LAMB1: variants seen among roughly 807,000 people sequenced by gnomAD.
LAMB1 encodes the protein laminin subunit beta-1.
Under a neutral mutation model 222.3 loss-of-function variants are expected in LAMB1, and 121 were observed. That is an observed-to-expected ratio of 0.54 (90% confidence interval 0.47 to 0.63). The LOEUF is 0.63. LAMB1 is among the 30% of genes least tolerant of loss of function. The pLI is 0.00. For missense variants in LAMB1, 2,172 were observed against 2,240.8 expected, an observed-to-expected ratio of 0.97 and a Z score of 0.62; for synonymous variants, 794 against 807.2, an observed-to-expected ratio of 0.98 and a Z score of 0.28.
chr7:107,951,419 T>C (rs1353228762), intron 23 of LAMB1, 97 bp from the exon 24 acceptor site: 1 of 1,067,808 alleles, frequency 9.4e-7, no homozygotes, highest in Non-Finnish European at 1.4e-6. Flanking sequence ...AGGAATGAAC[T>C]GTTTACCTGA....
chr7:107,949,995 GC>G (rs1324690226), intron 24 of LAMB1, among the ~76,000 whole-genome samples: 1 of 152,180 alleles, frequency 6.6e-6, no homozygotes, highest in Non-Finnish European at 1.5e-5. Flanking sequence ...ACTTTGGGAG[GC>G]CGAGGCGGGT....
chr7:107,975,923 A>G, intron 9 of LAMB1, 46 bp from the exon 10 acceptor site: 2 of 1,539,966 alleles, frequency 1.3e-6, no homozygotes, highest in East Asian at 2.3e-5. Context: ...AAATCTATGG[A>G]CCAATGGAGG....
At chr7:107,970,007 C>T (rs974365663) in intron 13 of LAMB1, among the ~76,000 whole-genome samples, 1 of 152,152 alleles carries the variant, frequency 6.6e-6, no homozygotes, top group Non-Finnish European at 1.5e-5. Context: ...AAATTTTAGT[C>T]CCTCATTTAT....
Position 107,959,657 on chromosome 7 carries a change from A to C in LAMB1, c.2458+34T>G, listed in dbSNP as rs1222390200. 5 of 1,614,190 alleles carry C rather than the reference A, an allele frequency of 3.1e-6. No individual in the cohort carries two copies. In the Admixed American group the frequency reaches 5.0e-5, roughly 16 times the overall value. On this transcript the variant is annotated intron_variant, in intron 19 of 33. Coordinates refer to ENST00000222399, the MANE Select transcript of LAMB1 (RefSeq NM_002291.3). ...CTGCCACAATGGCTGAGTTAATCTG[A>C]ATGAATGCATAACAATGCTTTTGAG...
chr7:107,956,832 T>G (rs1298634208), intron 20 of LAMB1, among the ~76,000 whole-genome samples: 1 of 152,236 alleles, frequency 6.6e-6, no homozygotes, highest in African/African-American at 2.4e-5. Context: ...TGTTACTTAT[T>G]AATTCCCATA....
intron 5 of LAMB1, among the ~76,000 whole-genome samples, chr7:107,990,155 C>T (rs2034155577): frequency 6.6e-6 from 1 of 152,144 alleles, no homozygotes; most frequent in Non-Finnish European, 1.5e-5. Context: ...CCTCCAACCT[C>T]AGCCTCCTGA....
At chr7:107,939,571 G>A (rs771554448) in intron 25 of LAMB1, among the ~76,000 whole-genome samples, 12 of 151,986 alleles carry the variant, frequency 7.9e-5, no homozygotes, top group Non-Finnish European at 1.6e-4. Context: ...TAAGGTAATG[G>A]CATATATTAT....
intron 9 of LAMB1, among the ~76,000 whole-genome samples, chr7:107,976,195 C>A (rs1348163847): frequency 6.6e-6 from 1 of 152,152 alleles, no homozygotes; most frequent in African/African-American, 2.4e-5. Flanking sequence ...GGCTGCCATC[C>A]CACTGAGGGC....
rs1412228753 is a variant in LAMB1, at chr7:108,001,659, C to A, written c.112G>T (p.Ala38Ser). Residue 38 changes from alanine to serine, a missense_variant, in exon 3 of 34, where the codon GCC becomes TCC. Transcript: ENST00000222399. ...YGCAEGSCYP[A>S]TGDLLIGRAQ... ...CGGCCGATGAGAAGGTCGCCCGTGG[C>A]GGGATAGCAGCTGCCTTCTGCGCAG... 6.2e-7 allele frequency: 1 copy of A among 1,612,402 alleles called. No homozygotes were observed. Among genetic ancestry groups the A allele is most frequent in the East Asian group, 2.2e-5 (1 of 44,862 alleles).
At chr7:107,934,352 C>G (rs919643006) in intron 27 of LAMB1, among the ~76,000 whole-genome samples, 1 of 152,180 alleles carries the variant, frequency 6.6e-6, no homozygotes, top group Non-Finnish European at 1.5e-5. Flanking sequence ...TATGTACCTT[C>G]CATCTTTAAC....
At chr7:107,981,533 AACG>A (rs2150443568) in intron 7 of LAMB1, among the ~76,000 whole-genome samples, 1 of 152,198 alleles carries the variant, frequency 6.6e-6, no homozygotes, top group East Asian at 1.9e-4. Flanking sequence ...GAGTTGCCTG[AACG>A]ACAACAAAAA....
At chr7:107,952,282 T>A (rs2033274868) in intron 22 of LAMB1, 59 bp from the exon 23 acceptor site, 2 of 1,285,202 alleles carry the variant, frequency 1.6e-6, no homozygotes, top group African/African-American at 1.5e-5. Context: ...GGCATGCGGA[T>A]GTTAGCCACA....
At chr7:107,924,174 T>C (rs1402966610) in intron 33 of LAMB1, 56 bp downstream of exon 33, 3 of 1,549,608 alleles carry the variant, frequency 1.9e-6, no homozygotes, top group Non-Finnish European at 2.6e-6. Context: ...CACTTTTAAA[T>C]AAACTATGGA....
At chr7:107,948,455 C>T (rs1334225247) in intron 24 of LAMB1, among the ~76,000 whole-genome samples, 2 of 152,132 alleles carry the variant, frequency 1.3e-5, no homozygotes, top group African/African-American at 2.4e-5. Flanking sequence ...GAAAATGAAA[C>T]ACCTGGATCT....
chr7:107,983,004 A>C (rs1210340923), intron 7 of LAMB1, among the ~76,000 whole-genome samples: 5 of 152,226 alleles, frequency 3.3e-5, no homozygotes, highest in Admixed American at 6.5e-5. Context: ...TTAGGGACTT[A>C]GGGGGTGTCT....
At chr7:107,938,014 T>C (rs2032888008) in intron 25 of LAMB1, among the ~76,000 whole-genome samples, 1 of 152,166 alleles carries the variant, frequency 6.6e-6, no homozygotes, top group African/African-American at 2.4e-5. Context: ...GGTGTGTGTG[T>C]GCACATGCGA....
At chr7:107,990,372 T>C (rs2034159596) in intron 5 of LAMB1, among the ~76,000 whole-genome samples, 1 of 152,104 alleles carries the variant, frequency 6.6e-6, no homozygotes, top group Admixed American at 6.6e-5. Flanking sequence ...TCTAGTAATA[T>C]AGAAAAACAT....
At chr7:107,930,366 T>C (rs1317544819) in intron 29 of LAMB1, among the ~76,000 whole-genome samples, 1 of 152,232 alleles carries the variant, frequency 6.6e-6, no homozygotes, top group Non-Finnish European at 1.5e-5. Flanking sequence ...AAATAAAATA[T>C]GTACTTGAAT....
intron 24 of LAMB1, chr7:107,951,020 C>A: frequency 3.9e-6 from 2 of 509,444 alleles, no homozygotes; most frequent in South Asian, 2.4e-5. Context: ...TATGCACATC[C>A]ACTCTTGACT....
Sources: allele counts gnomAD v4.1 joint callset (sites outside exome capture counted in the v4.1 genomes callset), GRCh38; gene constraint gnomAD v4.1.1; transcripts MANE v1.5; gene names NCBI Gene and HGNC (gene_info 2026-07-23, HGNC 2026-07-21).